Variants in SMC5 observed in about 807,000 individuals in gnomAD.
The protein encoded by SMC5 is structural maintenance of chromosomes 5.
Under a neutral mutation model 148.3 loss-of-function variants are expected in SMC5, and 88 were observed. The observed-to-expected ratio is 0.59, with a 90% CI of 0.50 to 0.71. SMC5 has a LOEUF of 0.71. Ranked by LOEUF, SMC5 falls within the 30% of genes least tolerant of loss-of-function variation. SMC5 has a pLI of 0.00. For synonymous variants in SMC5, 421 were observed against 432.8 expected (o/e 0.97, Z 0.34); for missense variants, 1,142 against 1,298.9 (o/e 0.88, Z 1.86).
chr9:70,277,265 G>T, intron 3 of SMC5, 45 bp from the exon 4 acceptor site: 1 of 1,309,532 alleles, frequency 7.6e-7, no homozygotes, highest in East Asian at 2.9e-5. Context: ...CTAAACTAAT[G>T]TATATATTTT....
intron 3 of SMC5, among the ~76,000 whole-genome samples, chr9:70,274,502 CT>C (rs1218892517): frequency 1.3e-5 from 2 of 148,984 alleles, no homozygotes; most frequent in Non-Finnish European, 1.5e-5. Context: ...TTCTAGTTGT[CT>C]TTTTTCATTC....
intron 1 of SMC5, among the ~76,000 whole-genome samples, chr9:70,259,982 C>G (rs759681432): frequency 6.6e-6 from 1 of 150,850 alleles, no homozygotes; most frequent in Non-Finnish European, 1.5e-5. Context: ...CTCCTGTAGC[C>G]CACGCTGGAT....
rs1298392431 is a variant in SMC5, at chr9:70,350,297, T to C, written c.3069+4T>C. The C allele has an allele frequency of 1.2e-6, 2 of 1,612,336 alleles. No homozygotes were observed. The highest frequency in any genetic ancestry group is 2.7e-5 in the African/African-American group (2 of 74,878). On this transcript the variant is annotated splice_donor_region_variant and intron_variant, in intron 23 of 24. Coordinates refer to ENST00000361138, the MANE Select transcript of SMC5 (RefSeq NM_015110.4). ...AGTAGTTGATGAAATCAATCAGGTATGGTGATTGTTCTGTTACTTGGATCT... is the reference window on the plus strand; with the variant it reads ...AGTAGTTGATGAAATCAATCAGGTACGGTGATTGTTCTGTTACTTGGATCT...
In SMC5 at chr9:70,339,297, C is replaced by T. The variant is rs529360363; in HGVS notation, c.2398-4847C>T. On this transcript the variant is annotated intron_variant, in intron 17 of 24. Transcript: ENST00000361138. ...ACAAAAAATTAGCCGGGTGTGGTGG[C>T]GGGCGCCTGTAGTCCCAGCTACTCG... is the stretch of plus-strand genomic sequence containing the variant. 3.3e-3 allele frequency among the ~76,000 whole-genome samples: 500 copies of T among 151,996 alleles called. 1 individual carries two copies. Among genetic ancestry groups the T allele is most frequent in the Admixed American group, 5.6e-3 (85 of 15,264 alleles).
At chr9:70,269,601 A>G (rs938910836) in intron 3 of SMC5, among the ~76,000 whole-genome samples, 1 of 152,142 alleles carries the variant, frequency 6.6e-6, no homozygotes, top group African/African-American at 2.4e-5. Context: ...AAAAACAAAA[A>G]AAGTCAATCC....
At chr9:70,278,361 CAAAAGGTTTATATCTCA>C (rs2034652796) in intron 4 of SMC5, 113 bp from the exon 5 acceptor site, 2 of 816,906 alleles carry the variant, frequency 2.4e-6, no homozygotes, top group Non-Finnish European at 3.7e-6. Context: ...GAATAATGCA[CAAAAGGTTTATATCTCA>C]AATGTTTTTT....
At chr9:70,347,864 C>A in intron 21 of SMC5, 55 bp from the exon 22 acceptor site, 2 of 1,490,998 alleles carry the variant, frequency 1.3e-6, no homozygotes, top group South Asian at 2.5e-5. Context: ...AATTGTGTGT[C>A]AGAATATAGT....
At chr9:70,301,577 C>CAA in intron 10 of SMC5, among the ~76,000 whole-genome samples, 1 of 152,064 alleles carries the variant, frequency 6.6e-6, no homozygotes, top group Non-Finnish European at 1.5e-5. Flanking sequence ...TAGTCTATTT[C>CAA]TATGATTTAT....
intron 17 of SMC5, among the ~76,000 whole-genome samples, chr9:70,333,542 C>T (rs1191645418): frequency 2.0e-5 from 3 of 151,768 alleles, no homozygotes; most frequent in Admixed American, 6.6e-5. Context: ...ATCAGCCTGG[C>T]CAACATGGCA....
At chr9:70,326,534 G>C (rs2118674008) in intron 17 of SMC5, among the ~76,000 whole-genome samples, 1 of 151,618 alleles carries the variant, frequency 6.6e-6, no homozygotes, top group African/African-American at 2.4e-5. Flanking sequence ...GAAAGGATCA[G>C]GGAAAGTGAT....
intron 12 of SMC5, among the ~76,000 whole-genome samples, 186 bp from the exon 13 acceptor site, chr9:70,315,260 G>T (rs1415594254): frequency 2.6e-5 from 4 of 151,732 alleles, no homozygotes; most frequent in African/African-American, 7.3e-5. Context: ...ATCATAAAAA[G>T]CTTAAGCTTT....
intron 3 of SMC5, among the ~76,000 whole-genome samples, chr9:70,276,314 C>T (rs1345765375): frequency 2.0e-5 from 3 of 152,178 alleles, no homozygotes; most frequent in Non-Finnish European, 4.4e-5. Flanking sequence ...CTTGATTGGG[C>T]GAATGCCTTC....
intron 11 of SMC5, among the ~76,000 whole-genome samples, chr9:70,309,809 C>T (rs550716873): frequency 2.9e-4 from 44 of 152,262 alleles, no homozygotes; most frequent in African/African-American, 1.0e-3. Flanking sequence ...CTTGAGACCT[C>T]CTCCCATGAA....
chr9:70,288,843 T>C (rs1324049471), intron 8 of SMC5, among the ~76,000 whole-genome samples: 2 of 151,750 alleles, frequency 1.3e-5, no homozygotes, highest in African/African-American at 4.8e-5. Flanking sequence ...TTTTTGAGAC[T>C]TTTTTTTGGC....
intron 11 of SMC5, chr9:70,312,112 C>T (rs904413172): frequency 3.6e-5 from 3 of 84,130 alleles, no homozygotes; most frequent in African/African-American, 1.6e-4. Context: ...CAGAGTGAGA[C>T]ACTGTCTCAA....
At chr9:70,313,172 A>G (rs538143820) in intron 11 of SMC5, among the ~76,000 whole-genome samples, 2 of 152,122 alleles carry the variant, frequency 1.3e-5, no homozygotes, top group African/African-American at 4.8e-5. Flanking sequence ...TGTTTTTGGC[A>G]TGAAGTTTTT....
chr9:70,297,598 A>G (rs2035236101), intron 8 of SMC5, among the ~76,000 whole-genome samples: 1 of 152,196 alleles, frequency 6.6e-6, no homozygotes, highest in South Asian at 2.1e-4. Context: ...ATTTATGGAA[A>G]CTGTATCACA....
At chr9:70,313,685 A>G (rs903115743) in intron 11 of SMC5, among the ~76,000 whole-genome samples, 3 of 152,112 alleles carry the variant, frequency 2.0e-5, no homozygotes, top group Admixed American at 6.5e-5. Flanking sequence ...TTTTTAGTAG[A>G]GACGGGCTTT....
chr9:70,323,450 A>G, intron 15 of SMC5, 33 bp from the exon 16 acceptor site: 6 of 1,559,574 alleles, frequency 3.8e-6, no homozygotes, highest in Non-Finnish European at 5.2e-6. Flanking sequence ...TATGTTTAAC[A>G]CTGATTTCTT....
Sources: allele counts gnomAD v4.1 joint callset (sites outside exome capture counted in the v4.1 genomes callset), GRCh38; gene constraint gnomAD v4.1.1; transcripts MANE v1.5; gene names NCBI Gene and HGNC (gene_info 2026-07-23, HGNC 2026-07-21).